Variants in NRXN3 observed in about 807,000 individuals in gnomAD.
NRXN3 encodes neurexin III.
NRXN3 carries 32 observed loss-of-function variants against 137.6 expected under a neutral mutation model. The ratio of observed to expected loss-of-function variants is 0.23; its 90% CI spans 0.18 to 0.31. NRXN3 has a LOEUF of 0.31. Among genes scored for constraint, NRXN3 ranks in the 10% least tolerant of loss-of-function variants. NRXN3 has a pLI of 1.00. For synonymous variants in NRXN3, 798 were observed against 784.5 expected (o/e 1.02, Z -0.29); for missense variants, 1,574 against 2,062.5 (o/e 0.76, Z 4.59).
At chr14:78,894,179 A>G (rs1377140438) in intron 10 of NRXN3, among the ~76,000 whole-genome samples, 1 of 151,938 alleles carries the variant, frequency 6.6e-6, no homozygotes, top group African/African-American at 2.4e-5. Flanking sequence ...CTTTTATGAA[A>G]GATATCTTTG....
chr14:78,288,400 T>G (rs2075422465), intron 3 of NRXN3, among the ~76,000 whole-genome samples: 1 of 152,244 alleles, frequency 6.6e-6, no homozygotes. Context: ...ACTATTGTAA[T>G]GTCAGTGGAA....
intron 6 of NRXN3, among the ~76,000 whole-genome samples, chr14:78,669,621 T>C (rs2097917206): frequency 6.6e-6 from 1 of 152,166 alleles, no homozygotes; most frequent in Non-Finnish European, 1.5e-5. Flanking sequence ...ACACCCATAG[T>C]GACACACGGG....
intron 4 of NRXN3, among the ~76,000 whole-genome samples, chr14:78,386,399 T>A (rs1007774558): frequency 2.6e-5 from 4 of 152,150 alleles, no homozygotes; most frequent in Non-Finnish European, 5.9e-5. Context: ...ATTGTACCCC[T>A]GTGATGAAGG....
At chr14:78,277,642 T>C (rs1006374538) in intron 2 of NRXN3, among the ~76,000 whole-genome samples, 1 of 152,174 alleles carries the variant, frequency 6.6e-6, no homozygotes, top group Non-Finnish European at 1.5e-5. Flanking sequence ...TTGGTCATTG[T>C]TTCCTGAAGC....
chr14:79,506,970 G>A (rs1567324971), intron 16 of NRXN3, among the ~76,000 whole-genome samples: 1 of 152,084 alleles, frequency 6.6e-6, no homozygotes, highest in African/African-American at 2.4e-5. Flanking sequence ...GTGACTTTTT[G>A]TGGTTAATTC....
intron 16 of NRXN3, among the ~76,000 whole-genome samples, chr14:79,541,554 A>G (rs1001569164): frequency 3.3e-5 from 5 of 152,148 alleles, no homozygotes; most frequent in East Asian, 1.9e-4. Context: ...GGGAGACACT[A>G]TTTAACCCAC....
chr14:79,650,864 A>G (rs1049800180), intron 16 of NRXN3, among the ~76,000 whole-genome samples: 3 of 152,200 alleles, frequency 2.0e-5, no homozygotes, highest in African/African-American at 7.2e-5. Flanking sequence ...GTTGAAGTAC[A>G]GCCAACTCAT....
At chr14:79,426,703 G>A (rs2095659494) in intron 15 of NRXN3, among the ~76,000 whole-genome samples, 1 of 152,202 alleles carries the variant, frequency 6.6e-6, no homozygotes, top group African/African-American at 2.4e-5. Context: ...TCTGTGACTA[G>A]TGTGTAGGTG....
intron 1 of NRXN3, among the ~76,000 whole-genome samples, chr14:78,234,336 A>G (rs2065879419): frequency 6.6e-6 from 1 of 152,222 alleles, no homozygotes; most frequent in Admixed American, 6.5e-5. Context: ...AGTAGATAAC[A>G]TTTATTTGGT....
intron 10 of NRXN3, among the ~76,000 whole-genome samples, chr14:78,923,047 TGTAGTATGTGACTTTCTAGGG>T (rs2152829429): frequency 6.6e-6 from 1 of 152,268 alleles, no homozygotes; most frequent in South Asian, 2.1e-4. Context: ...TTGCTGCCTA[TGTAGTATGTGACTTTCTAGGG>T]ACAGGCGGTC....
intron 4 of NRXN3, among the ~76,000 whole-genome samples, chr14:78,363,277 G>A (rs2153608118): frequency 6.6e-6 from 1 of 152,306 alleles, no homozygotes; most frequent in South Asian, 2.1e-4. Flanking sequence ...ATGTAGGTAA[G>A]CACTTGCCAA....
intron 15 of NRXN3, among the ~76,000 whole-genome samples, chr14:79,137,182 C>G (rs1450894318): frequency 6.6e-6 from 1 of 152,172 alleles, no homozygotes; most frequent in Non-Finnish European, 1.5e-5. Context: ...TTGCTGCTGT[C>G]TCAATAGGTA....
intron 15 of NRXN3, among the ~76,000 whole-genome samples, chr14:79,433,517 T>TA (rs748336753): frequency 2.7e-3 from 417 of 152,278 alleles, no homozygotes; most frequent in Non-Finnish European, 4.8e-3. Flanking sequence ...ACTAGTTTTT[T>TA]AAAAAAAATA....
intron 15 of NRXN3, among the ~76,000 whole-genome samples, chr14:79,189,763 G>T (rs1466903084): frequency 3.9e-5 from 6 of 152,116 alleles, no homozygotes; most frequent in African/African-American, 1.2e-4. Context: ...TATGGTGAGT[G>T]CAATCCTACA....
chr14:78,885,370 T>A (rs1207346018), intron 10 of NRXN3, among the ~76,000 whole-genome samples: 1 of 151,944 alleles, frequency 6.6e-6, no homozygotes, highest in Non-Finnish European at 1.5e-5. Flanking sequence ...TCATGTTGTA[T>A]AAGGGGAGTG....
In NRXN3 at chr14:79,314,819, C is replaced by T. The variant is rs370948771; in HGVS notation, c.3263-152402C>T. Among the ~76,000 whole-genome samples, 974 of 146,200 alleles carry T rather than the reference C, an allele frequency of 6.7e-3. 11 individuals are homozygous for T. The highest frequency in any genetic ancestry group is 0.017 in the African/African-American group (673 of 39,602). ...AGCAGGGGTACACTGACACCTCACA[C>T]GGCAGGGTATTCCAACAGACCTGCA... On this transcript the variant is annotated intron_variant, in intron 15 of 20. Transcript: ENST00000335750.
intron 8 of NRXN3, among the ~76,000 whole-genome samples, chr14:78,801,455 C>G (rs1227398810): frequency 2.0e-5 from 3 of 152,188 alleles, no homozygotes; most frequent in Non-Finnish European, 4.4e-5. Context: ...ATCTTTTTCA[C>G]AAGGCGGCAG....
chr14:78,918,402 CAG>C (rs1337829069), intron 10 of NRXN3, among the ~76,000 whole-genome samples: 3 of 148,498 alleles, frequency 2.0e-5, no homozygotes, highest in African/African-American at 5.0e-5. Context: ...ATGAAACAAA[CAG>C]AAAAATATTT....
At chr14:78,817,777 T>C (rs2098938469) in intron 10 of NRXN3, among the ~76,000 whole-genome samples, 1 of 152,114 alleles carries the variant, frequency 6.6e-6, no homozygotes, top group Non-Finnish European at 1.5e-5. Context: ...AACCCCTGCC[T>C]GAGGGCATTA....
Sources: gnomAD v4.1 joint callset for allele counts (sites outside exome capture counted in the v4.1 genomes callset) on GRCh38, gnomAD v4.1.1 for gene constraint, MANE v1.5 for transcripts, NCBI Gene and HGNC (gene_info 2026-07-23, HGNC 2026-07-21) for gene names.